Variants in METTL21A observed in about 807,000 individuals in gnomAD.
The protein encoded by METTL21A is protein N-lysine methyltransferase METTL21A.
METTL21A carries 22 observed loss-of-function variants against 20.9 expected under a neutral mutation model. That is an observed-to-expected ratio of 1.05 (90% CI 0.75 to 1.50). The LOEUF (loss-of-function observed/expected upper bound fraction) is 1.50, where lower values mean the gene tolerates loss of function less well. Among genes scored for constraint, METTL21A ranks in the 40% most tolerant of loss-of-function variants. METTL21A has a pLI of 0.00. For synonymous variants in METTL21A, 93 were observed against 102.0 expected, an observed-to-expected ratio of 0.91 and a Z score of 0.53; for missense variants, 271 against 266.8, an observed-to-expected ratio of 1.02 and a Z score of -0.11.
At chr2:207,595,432 CTTTCT>C (rs2085954963) in intron 3 of METTL21A, among the ~76,000 whole-genome samples, 1 of 150,152 alleles carries the variant, frequency 6.7e-6, no homozygotes, top group African/African-American at 2.5e-5. Context: ...TTTTTTTTCC[CTTTCT>C]TTTGAGACAG....
intron 3 of METTL21A, among the ~76,000 whole-genome samples, chr2:207,596,757 A>G (rs182890327): frequency 1.3e-5 from 2 of 152,218 alleles, no homozygotes; most frequent in East Asian, 3.9e-4. Flanking sequence ...ATATAAGGTA[A>G]TTTCCAAGTA....
At chr2:207,588,416 C>G (rs2084294463) in intron 3 of METTL21A, among the ~76,000 whole-genome samples, 1 of 152,090 alleles carries the variant, frequency 6.6e-6, no homozygotes. Flanking sequence ...TAGCCAATAC[C>G]ATGTTGCCTT....
intron 3 of METTL21A, chr2:207,582,784 T>C (rs1278696590): frequency 1.2e-5 from 3 of 253,110 alleles, no homozygotes; most frequent in African/African-American, 4.7e-5. Flanking sequence ...TCCCAGCTAC[T>C]CAGGCGGCTG....
intron 1 of METTL21A, 165 bp from the exon 2 acceptor site, chr2:207,624,569 AGT>A (rs2090898811): frequency 1.8e-6 from 1 of 563,240 alleles, no homozygotes; most frequent in Non-Finnish European, 2.9e-6. Flanking sequence ...TCCGAATCTG[AGT>A]GAGATTTGGC....
chr2:207,625,218 C>G (rs1238024300), intron 1 of METTL21A: 1 of 152,246 alleles, frequency 6.6e-6, no homozygotes, highest in Admixed American at 6.5e-5. Context: ...GCGGAGCACC[C>G]AGGGCTCGCC....
chr2:207,616,718 C>T (rs2089801492), intron 3 of METTL21A, among the ~76,000 whole-genome samples: 2 of 152,134 alleles, frequency 1.3e-5, no homozygotes, highest in East Asian at 1.9e-4. Context: ...TGGTGGCAGG[C>T]GCCTGTAATC....
intron 3 of METTL21A, 106 bp from the exon 4 acceptor site, chr2:207,613,549 T>G: frequency 2.0e-6 from 2 of 1,011,694 alleles, no homozygotes; most frequent in Non-Finnish European, 2.8e-6. Flanking sequence ...TTGCATCTGA[T>G]ATGCATAATA....
At chr2:207,588,151 A>T (rs1035234826) in intron 3 of METTL21A, among the ~76,000 whole-genome samples, 1 of 152,034 alleles carries the variant, frequency 6.6e-6, no homozygotes, top group African/African-American at 2.4e-5. Flanking sequence ...TTTTCCTCTA[A>T]AAGTGTTATG....
chr2:207,597,215 G>A, intron 3 of METTL21A: 1 of 768,340 alleles, frequency 1.3e-6, no homozygotes. Flanking sequence ...TTGTGCTTTT[G>A]CATTAAACTG....
intron 3 of METTL21A, among the ~76,000 whole-genome samples, chr2:207,617,293 G>A (rs901305373): frequency 6.6e-6 from 1 of 152,202 alleles, no homozygotes. Flanking sequence ...CAGTTGTGAT[G>A]CAGTGTGGGA....
At chr2:207,622,161 A>AT (rs11326646) in intron 2 of METTL21A, among the ~76,000 whole-genome samples, 2,956 of 122,280 alleles carry the variant, frequency 0.024, 48 homozygotes, top group Middle Eastern at 0.04. Context: ...GGAAAGCTTA[A>AT]TTTTTTTTTT....
chr2:207,603,830 A>T (rs530852115), intron 3 of METTL21A, among the ~76,000 whole-genome samples: 4 of 152,316 alleles, frequency 2.6e-5, no homozygotes, highest in African/African-American at 9.6e-5. Context: ...GATATGGTTA[A>T]TCTTTGCTTA....
intron 3 of METTL21A, among the ~76,000 whole-genome samples, chr2:207,616,365 C>T (rs2107119073): frequency 6.6e-6 from 1 of 152,362 alleles, no homozygotes. Flanking sequence ...CTGTCCCAGG[C>T]ATTTCAAAGG....
exon 4 of METTL21A, chr2:207,613,388 G>A (rs145193545): frequency 2.4e-5 from 39 of 1,608,074 alleles, no homozygotes; most frequent in Non-Finnish European, 2.3e-5. Flanking sequence ...TGGCTTGAAC[G>A]TTTGATTTAA....
chr2:207,581,105 G>A, downstream of METTL21A: 1 of 211,520 alleles, frequency 4.7e-6, no homozygotes, highest in Non-Finnish European at 9.6e-6. Flanking sequence ...TTCCCTAAAG[G>A]CAGAAGTAAC....
At chr2:207,619,343 G>C (rs78683539) in intron 3 of METTL21A, among the ~76,000 whole-genome samples, 2,214 of 152,172 alleles carry the variant, frequency 0.015, 25 homozygotes, top group Non-Finnish European at 0.023. Context: ...TACAAAAAGA[G>C]AATATACTTT....
intron 3 of METTL21A, chr2:207,597,307 A>G (rs1335672013): frequency 1.0e-5 from 4 of 394,386 alleles, no homozygotes; most frequent in Non-Finnish European, 1.8e-5. Context: ...CTGCTTTTCA[A>G]CCCCCACCCT....
intron 3 of METTL21A, among the ~76,000 whole-genome samples, chr2:207,588,731 T>C (rs1194433338): frequency 1.7e-5 from 1 of 58,304 alleles, no homozygotes; most frequent in African/African-American, 3.1e-5. Context: ...TTTTCTGGTT[T>C]TTTTTTTTTT....
downstream of METTL21A, among the ~76,000 whole-genome samples, chr2:207,607,513 C>T (rs1311568043): frequency 6.6e-6 from 1 of 150,762 alleles, no homozygotes; most frequent in Non-Finnish European, 1.5e-5. Context: ...TTATTCTGCC[C>T]TGAGTTTGCA....
Sources: gnomAD v4.1 joint callset for allele counts (sites outside exome capture counted in the v4.1 genomes callset) on GRCh38, gnomAD v4.1.1 for gene constraint, MANE v1.5 for transcripts, NCBI Gene and HGNC (gene_info 2026-07-23, HGNC 2026-07-21) for gene names.